The following ARHGAP12 variants were observed in gnomAD, a reference collection of about 807,000 sequenced individuals.
ARHGAP12 encodes rho GTPase-activating protein 12.
ARHGAP12 carries 64 observed loss-of-function variants against 108.6 expected under a neutral mutation model. That is an observed-to-expected ratio of 0.59 (90% confidence interval 0.48 to 0.73). The LOEUF (loss-of-function observed/expected upper bound fraction) is 0.73, where lower values mean the gene tolerates loss of function less well. Ranked by LOEUF, ARHGAP12 falls within the 30% of genes least tolerant of loss-of-function variation. The pLI is 0.00. For missense variants in ARHGAP12, 940 were observed against 1,005.9 expected, an observed-to-expected ratio of 0.93 and a Z score of 0.89; for synonymous variants, 312 against 337.2, an observed-to-expected ratio of 0.93 and a Z score of 0.82.
chr10:31,890,678 A>C (rs1366561145), intron 3 of ARHGAP12, among the ~76,000 whole-genome samples: 3 of 152,214 alleles, frequency 2.0e-5, no homozygotes, highest in African/African-American at 7.2e-5. Context: ...TTTGGATGAA[A>C]GGGGACACTA....
intron 13 of ARHGAP12, among the ~76,000 whole-genome samples, chr10:31,814,754 CA>C (rs1835140101): frequency 6.6e-6 from 1 of 152,124 alleles, no homozygotes; most frequent in Non-Finnish European, 1.5e-5. Context: ...ATGGACCTGA[CA>C]AGAGTATTAC....
chr10:31,901,445 T>A (rs1310349935), intron 3 of ARHGAP12, among the ~76,000 whole-genome samples: 1 of 142,022 alleles, frequency 7.0e-6, no homozygotes, highest in Non-Finnish European at 1.5e-5. Context: ...GACAGGAGGA[T>A]CACGTGAGCC....
chr10:31,922,721 C>A lies in ARHGAP12; in HGVS notation c.-111+5962G>T, dbSNP rs1189880586. Among the ~76,000 whole-genome samples the A allele has an allele frequency of 2.6e-5, 4 of 151,766 alleles. No homozygotes were observed. The East Asian group carries it at 5.8e-4, about 22-fold the overall frequency. On this transcript the variant is annotated intron_variant, in intron 1 of 19. Transcript: ENST00000344936. ...AGGCGGCTTCACTGGTGAATTTTACCAAAAACGTAAAGAAGTTACTACCAA... is the reference window on the plus strand; with the variant it reads ...AGGCGGCTTCACTGGTGAATTTTACAAAAAACGTAAAGAAGTTACTACCAA...
In ARHGAP12 at chr10:31,908,205, A is replaced by T; in HGVS notation, c.651T>A (p.Asp217Glu). 6.2e-7 allele frequency: 1 copy of T among 1,610,744 alleles called. No homozygotes were observed. The highest frequency in any genetic ancestry group is 1.7e-4 in the Middle Eastern group (1 of 6,032). The change falls in exon 3 of 20, where the codon GAT becomes GAA. Residue 217 changes from aspartate to glutamate, a missense_variant. Coordinates refer to ENST00000344936, the MANE Select transcript of ARHGAP12 (RefSeq NM_018287.7). The stretch of plus-strand genomic sequence containing the variant: ...GTTCAGTGGAGCTGCTGCTAAGTTC[A>T]TCACCAGATTCAGAATCTTGATGTA... ...ERIHQDSESG[D>E]ELSSSSTEQI...
chr10:31,855,095 G>A (rs1158932935), intron 4 of ARHGAP12, among the ~76,000 whole-genome samples: 1 of 89,900 alleles, frequency 1.1e-5, no homozygotes, highest in East Asian at 3.9e-4. Flanking sequence ...GCGAAAAGGA[G>A]GGGAGGGGAG....
At chr10:31,830,811 C>A (rs1835803136) in intron 10 of ARHGAP12, among the ~76,000 whole-genome samples, 1 of 152,178 alleles carries the variant, frequency 6.6e-6, no homozygotes, top group Admixed American at 6.5e-5. Flanking sequence ...ATTTATGATA[C>A]TGTAACCTAT....
In ARHGAP12 at chr10:31,829,154, AAAC is replaced by A. The variant is rs35308949; in HGVS notation, c.1448+2582_1448+2584del. 2.5e-3 allele frequency among the ~76,000 whole-genome samples: 377 copies of A among 151,420 alleles called. 4 individuals carry two copies. The highest frequency in any genetic ancestry group is 8.5e-3 in the African/African-American group (350 of 41,254). ...GCGAGAGAGCAAGACTCTGTCTCAA[AAAC>A]AACAACAACAACAACAACAACAAAA... is the stretch of plus-strand genomic sequence containing the variant. On this transcript the variant is annotated intron_variant, in intron 10 of 19. Coordinates refer to ENST00000344936, the MANE Select transcript of ARHGAP12 (RefSeq NM_018287.7).
chr10:31,920,018 A>C (rs1014044118), intron 1 of ARHGAP12, among the ~76,000 whole-genome samples: 2 of 151,076 alleles, frequency 1.3e-5, no homozygotes, highest in Admixed American at 1.3e-4. Flanking sequence ...AGGCAGGAGA[A>C]TCGCTTGAAC....
intron 6 of ARHGAP12, among the ~76,000 whole-genome samples, chr10:31,848,234 C>T (rs1396314963): frequency 6.6e-6 from 1 of 152,198 alleles, no homozygotes; most frequent in African/African-American, 2.4e-5. Flanking sequence ...GAACCTAATA[C>T]TAGAGTAAGA....
rs1455108289 is a variant in ARHGAP12 at position 31,809,297 on chromosome 10, A to G, written c.2061T>C (p.Ile687=). Residue 687 remains isoleucine, a synonymous_variant, in exon 17 of 20, where the codon ATT becomes ATC. Coordinates refer to ENST00000344936, the MANE Select transcript of ARHGAP12 (RefSeq NM_018287.7). The stretch of plus-strand genomic sequence containing the variant: ...TGCCACTTACTCTGTATATCCCATC[A>G]ATATCCAAACCTAAGAGACAATAAT... ...IEHVEEHGLD[I]DGIYRVSGNL... 1 of 1,613,730 alleles carries G rather than the reference A, an allele frequency of 6.2e-7. No individual in the cohort carries two copies.
chr10:31,884,968 G>C (rs1300076085), intron 3 of ARHGAP12, among the ~76,000 whole-genome samples: 1 of 151,550 alleles, frequency 6.6e-6, no homozygotes, highest in South Asian at 2.1e-4. Flanking sequence ...TTAATTTTGG[G>C]GGTACATGGT....
At chr10:31,816,032 T>A (rs1324936023) in intron 13 of ARHGAP12, among the ~76,000 whole-genome samples, 1 of 152,060 alleles carries the variant, frequency 6.6e-6, no homozygotes, top group Non-Finnish European at 1.5e-5. Context: ...GTGCCTGTTA[T>A]CCCAGCTACT....
At chr10:31,836,196 A>C (rs534048513) in intron 9 of ARHGAP12, among the ~76,000 whole-genome samples, 26 of 152,322 alleles carry the variant, frequency 1.7e-4, no homozygotes, top group African/African-American at 6.0e-4. Flanking sequence ...ATGCATATTA[A>C]TACCATAAGT....
At chr10:31,898,461 T>C (rs974998587) in intron 3 of ARHGAP12, among the ~76,000 whole-genome samples, 1 of 152,130 alleles carries the variant, frequency 6.6e-6, no homozygotes, top group Non-Finnish European at 1.5e-5. Flanking sequence ...GCATTGCTGG[T>C]GGGATGGTCC....
chr10:31,829,839 C>T (rs1384775486), intron 10 of ARHGAP12, among the ~76,000 whole-genome samples: 1 of 152,126 alleles, frequency 6.6e-6, no homozygotes. Context: ...TTCGGAGCAG[C>T]AGGAAAATGC....
chr10:31,904,346 G>C (rs1564424431), intron 3 of ARHGAP12, among the ~76,000 whole-genome samples: 1 of 152,140 alleles, frequency 6.6e-6, no homozygotes, highest in Non-Finnish European at 1.5e-5. Context: ...CTGAATGAAA[G>C]GCCAATCCCC....
chr10:31,883,386 G>C (rs1838060241), intron 3 of ARHGAP12, among the ~76,000 whole-genome samples: 1 of 152,200 alleles, frequency 6.6e-6, no homozygotes, highest in African/African-American at 2.4e-5. Flanking sequence ...TAACTAAATA[G>C]ATAAAAGGTG....
chr10:31,887,299 G>A (rs534247348), intron 3 of ARHGAP12, among the ~76,000 whole-genome samples: 1 of 152,246 alleles, frequency 6.6e-6, no homozygotes, highest in African/African-American at 2.4e-5. Context: ...CCACATTACA[G>A]AGGGTAATCT....
intron 3 of ARHGAP12, among the ~76,000 whole-genome samples, chr10:31,887,648 CTGTTTTTTTTT>C (rs1266862880): frequency 5.5e-5 from 8 of 145,470 alleles, no homozygotes; most frequent in African/African-American, 1.3e-4. Flanking sequence ...TTTGCCCTTC[CTGTTTTTTTTT>C]TGTTTTTTTT....
Sources: allele counts gnomAD v4.1 joint callset (sites outside exome capture counted in the v4.1 genomes callset), GRCh38; gene constraint gnomAD v4.1.1; transcripts MANE v1.5; gene names NCBI Gene and HGNC (gene_info 2026-07-23, HGNC 2026-07-21).